The following SFXN5 variants were observed in gnomAD, a reference collection of about 807,000 sequenced individuals.
The protein encoded by SFXN5 is sideroflexin 5, also known as sideroflexin-5.
SFXN5 carries 43 observed loss-of-function variants against 50.2 expected under a neutral mutation model. The observed-to-expected ratio is 0.86, with a 90% CI of 0.67 to 1.11. SFXN5 has a LOEUF of 1.11. Among genes scored for constraint, SFXN5 ranks in the 50% least tolerant of loss-of-function variants. The pLI, the probability that SFXN5 is intolerant of heterozygous loss-of-function variation, is 0.00. For synonymous variants in SFXN5, 203 were observed against 185.8 expected, an observed-to-expected ratio of 1.09 and a Z score of -0.75; for missense variants, 463 against 454.1, an observed-to-expected ratio of 1.02 and a Z score of -0.18.
rs577532043 is a variant in SFXN5 at position 72,992,817 on chromosome 2, G to A, written c.535-4469C>T. ...TCGGAGTGAAGTCTGAAAACATGGC[G>A]ACTTGCTTAAAGCCTTCGGTGACAC... On this transcript the variant is annotated intron_variant, in intron 9 of 13. Transcript: ENST00000272433. This position sits in a 1 kb window ranked among gnomAD's most constrained non-coding sequence, Gnocchi z 4.5. 3.9e-5 allele frequency among the ~76,000 whole-genome samples: 6 copies of A among 152,182 alleles called. No individual in the cohort carries two copies. The highest frequency in any genetic ancestry group is 1.3e-4 in the Admixed American group (2 of 15,278).
intron 13 of SFXN5, among the ~76,000 whole-genome samples, chr2:72,946,528 C>A (rs1289096616): frequency 1.3e-5 from 2 of 152,150 alleles, no homozygotes; most frequent in Non-Finnish European, 2.9e-5. Flanking sequence ...ATTTCTGCAG[C>A]CTTGTTTCTC....
At chr2:73,029,046 C>T (rs569172900) in intron 3 of SFXN5, among the ~76,000 whole-genome samples, 18 of 152,284 alleles carry the variant, frequency 1.2e-4, no homozygotes, top group African/African-American at 3.1e-4. Flanking sequence ...CAGCCTCCCC[C>T]GCAGTCAAGT....
chr2:73,038,365 C>T (rs1484040841), intron 3 of SFXN5, among the ~76,000 whole-genome samples: 1 of 152,216 alleles, frequency 6.6e-6, no homozygotes, highest in Non-Finnish European at 1.5e-5. Context: ...GCTTGCAGGA[C>T]TGGCAGTTGC....
chr2:72,946,992 G>A (rs1397713716), intron 13 of SFXN5, among the ~76,000 whole-genome samples: 1 of 152,136 alleles, frequency 6.6e-6, no homozygotes, highest in Non-Finnish European at 1.5e-5. Flanking sequence ...GTTGTTCAGA[G>A]ACACCCCGTC....
At position 73,047,275 on chromosome 2, in the gene SFXN5, TACACAC is replaced by T. The variant is rs1300394771; in HGVS notation, c.172-6350_172-6345del. Among the ~76,000 whole-genome samples the T allele has an allele frequency of 5.0e-3, 256 of 51,668 alleles. 2 individuals are homozygous for T. Among genetic ancestry groups the T allele is most frequent in the African/African-American group, 0.02 (241 of 12,280 alleles). The allele number at this position is 51,668 out of a possible 152,430, so 33.9% of individuals were successfully genotyped here. A position where few individuals can be genotyped will look rare whatever the true frequency, so the allele number is the denominator to read the frequency against. The stretch of plus-strand genomic sequence containing the variant: ...ATATATATATATATATATATATATA[TACACAC>T]ATATATATATATATATAAAATATAT... On this transcript the variant is annotated intron_variant, in intron 2 of 13. Coordinates refer to ENST00000272433, the MANE Select transcript of SFXN5 (RefSeq NM_144579.3).
intron 6 of SFXN5, among the ~76,000 whole-genome samples, chr2:73,018,676 T>C (rs990619557): frequency 1.3e-5 from 2 of 152,248 alleles, no homozygotes; most frequent in African/African-American, 4.8e-5. Flanking sequence ...GTCATTCTTG[T>C]CTGCTTCCAG....
Position 73,006,570 on chromosome 2 carries a change from C to T in SFXN5, c.358-4992G>A, listed in dbSNP as rs185347954. Among the ~76,000 whole-genome samples the T allele has an allele frequency of 1.9e-4, 28 of 150,642 alleles. No individual in the cohort carries two copies. The East Asian group carries it at 4.9e-3, about 26-fold the overall frequency. Reference sequence around the variant, plus strand: ...CCAGGAGAAGGAGGTTGCAGTGAGCCGAGATCACACCACTGCACTCCAGCC... The same window carrying T: ...CCAGGAGAAGGAGGTTGCAGTGAGCTGAGATCACACCACTGCACTCCAGCC... On this transcript the variant is annotated intron_variant, in intron 6 of 13. Coordinates refer to ENST00000272433, the MANE Select transcript of SFXN5 (RefSeq NM_144579.3).
intron 13 of SFXN5, among the ~76,000 whole-genome samples, chr2:72,948,586 GCAGGACCACGGCC>G (rs985277320): frequency 4.6e-5 from 7 of 152,244 alleles, no homozygotes; most frequent in Non-Finnish European, 8.8e-5. Flanking sequence ...GCACCACCAT[GCAGGACCACGGCC>G]CAGGGCCACG....
At chr2:72,963,981 G>C (rs987975476) in intron 12 of SFXN5, among the ~76,000 whole-genome samples, 10 of 152,198 alleles carry the variant, frequency 6.6e-5, no homozygotes, top group African/African-American at 2.4e-4. Flanking sequence ...GACTGGGGAT[G>C]GACGCTCCTC....
intron 3 of SFXN5, among the ~76,000 whole-genome samples, chr2:73,032,256 T>A (rs1678406675): frequency 6.6e-6 from 1 of 152,202 alleles, no homozygotes; most frequent in South Asian, 2.1e-4. Context: ...CACTTTAAAC[T>A]ACAATTCCTG....
In SFXN5 at chr2:72,953,170, G is replaced by A. The variant is rs958284365; in HGVS notation, c.945+7961C>T. On this transcript the variant is annotated intron_variant, in intron 13 of 13. Coordinates refer to ENST00000272433, the MANE Select transcript of SFXN5 (RefSeq NM_144579.3). This position sits in a 1 kb window ranked among gnomAD's most constrained non-coding sequence, Gnocchi z 4.1. ...AGGCAAAATGACAGGTGGCGTTGGCGTTCCTGGGCTCTGAGCGGCTTTGCC... is the reference window on the plus strand; with the variant it reads ...AGGCAAAATGACAGGTGGCGTTGGCATTCCTGGGCTCTGAGCGGCTTTGCC... 7.9e-5 allele frequency among the ~76,000 whole-genome samples: 12 copies of A among 152,200 alleles called. No homozygotes were observed. The highest frequency in any genetic ancestry group is 2.0e-4 in the Admixed American group (3 of 15,280).
chr2:72,968,391 C>A (rs1425066397), intron 12 of SFXN5, 57 bp downstream of exon 12: 7 of 1,540,886 alleles, frequency 4.5e-6, no homozygotes, highest in Admixed American at 3.5e-5. Flanking sequence ...CCGGTTCCCC[C>A]TCCCTCTCCC....
rs1322563275 is a variant in SFXN5, at chr2:72,971,664, A to G, written c.647T>C (p.Val216Ala). 1 of 1,613,832 alleles carries G rather than the reference A, an allele frequency of 6.2e-7. No homozygotes were observed. The highest frequency in any genetic ancestry group is 8.5e-7 in the Non-Finnish European group (1 of 1,179,892). ...PAVASANICN[V>A]VLMRYGELEE... ...CAGCTCCCCGTACCGCATCAGGACCACATTGCAGATATTGGCACTGGCTGC... is the reference window on the plus strand; with the variant it reads ...CAGCTCCCCGTACCGCATCAGGACCGCATTGCAGATATTGGCACTGGCTGC... Residue 216 changes from valine to alanine, a missense_variant, in exon 11 of 14, where the codon GTG becomes GCG. Physicochemically the swap from Val to Ala is moderately conservative, Grantham distance 64. Coordinates refer to ENST00000272433, the MANE Select transcript of SFXN5 (RefSeq NM_144579.3).
intron 10 of SFXN5, among the ~76,000 whole-genome samples, chr2:72,984,378 TA>T (rs893276996): frequency 4.1e-4 from 63 of 152,232 alleles, no homozygotes; most frequent in African/African-American, 1.5e-3. Context: ...TCTGAAAAAC[TA>T]GGGGGGAACT....
At chr2:72,956,146 C>G (rs1353965803) in intron 13 of SFXN5, among the ~76,000 whole-genome samples, 1 of 152,222 alleles carries the variant, frequency 6.6e-6, no homozygotes, top group Non-Finnish European at 1.5e-5. Flanking sequence ...TGGGGACAGG[C>G]TGGTGGGGCA....
At chr2:73,050,371 A>G (rs957345271) in intron 2 of SFXN5, among the ~76,000 whole-genome samples, 1 of 112,008 alleles carries the variant, frequency 8.9e-6, no homozygotes, top group East Asian at 4.1e-4. Context: ...TGGTGGAGGT[A>G]GCGCCGCAGC....
chr2:73,046,815 A>G (rs1205016237), intron 2 of SFXN5, among the ~76,000 whole-genome samples: 1 of 152,106 alleles, frequency 6.6e-6, no homozygotes, highest in East Asian at 1.9e-4. Flanking sequence ...AAGATTTTGA[A>G]GTTACACTAT....
chr2:73,002,452 T>C (rs932012216), intron 6 of SFXN5, among the ~76,000 whole-genome samples: 4 of 152,232 alleles, frequency 2.6e-5, no homozygotes, highest in Non-Finnish European at 5.9e-5. Flanking sequence ...TGAGTGTTTG[T>C]GTGCAAAGTA....
chr2:73,067,385 T>C (rs1008505801), intron 1 of SFXN5, among the ~76,000 whole-genome samples: 2 of 152,058 alleles, frequency 1.3e-5, no homozygotes, highest in Non-Finnish European at 2.9e-5. Context: ...GAGACATTAG[T>C]GTAAAAAAAA....
Sources: allele counts gnomAD v4.1 joint callset (sites outside exome capture counted in the v4.1 genomes callset), GRCh38; gene constraint gnomAD v4.1.1; non-coding constraint Gnocchi (gnomAD v3.1); transcripts MANE v1.5; gene names NCBI Gene and HGNC (gene_info 2026-07-23, HGNC 2026-07-21).